The following CRMP1 variants were observed in gnomAD, a reference collection of about 807,000 sequenced individuals.
CRMP1 encodes collapsin response mediator protein 1, also known as dihydropyrimidinase-related protein 1.
Under a neutral mutation model 68.3 loss-of-function variants are expected in CRMP1, and 19 were observed. The ratio of observed to expected loss-of-function variants is 0.28; its 90% CI spans 0.19 to 0.41. CRMP1 has a LOEUF of 0.41. Ranked by LOEUF, CRMP1 falls within the 10% of genes least tolerant of loss-of-function variation. The pLI, the probability that CRMP1 is intolerant of heterozygous loss-of-function variation, is 1.00. For missense variants in CRMP1, 791 were observed against 967.4 expected (o/e 0.82, Z 2.42); for synonymous variants, 439 against 399.6 (o/e 1.10, Z -1.18).
Position 5,854,460 on chromosome 4 carries a change from G to C in CRMP1, c.820+1683C>G, listed in dbSNP as rs1260816101. Among the ~76,000 whole-genome samples, 1 of 141,820 alleles carries C rather than the reference G, an allele frequency of 7.1e-6. No homozygotes were observed. Among genetic ancestry groups the C allele is most frequent in the Non-Finnish European group, 1.5e-5 (1 of 66,526 alleles). The allele number at this position is 141,820 out of a possible 152,430, so 93.0% of individuals were successfully genotyped here. On this transcript the variant is annotated intron_variant, in intron 4 of 13. Transcript: ENST00000324989. This position sits in a 1 kb window ranked among gnomAD's most constrained non-coding sequence, Gnocchi z 4.0. Reference sequence around the variant, plus strand: ...TGGTCTCACTATGTTGCCCAGGCTGGTCTCAAACTCCAGGCCTCAAGCAAT... The same window carrying C: ...TGGTCTCACTATGTTGCCCAGGCTGCTCTCAAACTCCAGGCCTCAAGCAAT...
chr4:5,839,670 C>G lies in CRMP1; in HGVS notation c.1162G>C (p.Val388Leu). Residue 388 changes from valine (V) to leucine (L), a missense_variant, in exon 9 of 14, where the codon GTT (valine) becomes CTT (leucine). Physicochemically the swap from Val to Leu is conservative, Grantham distance 32. Around this residue, in one of 3 missense-constraint regions of CRMP1, gnomAD observed 594 missense variants for 763.6 expected, o/e 0.78. Coordinates refer to ENST00000324989, the MANE Select transcript of CRMP1 (RefSeq NM_001014809.3). ...IALARKKGPL[V>L]FGEPIAASLG... is the part of the protein sequence containing the mutation. ...CTGGCGGCAATGGGCTCTCCAAAAA[C>G]TAGGGGCCCTTAGGAGGGGAAAACA... is the stretch of plus-strand genomic sequence containing the variant. The G allele has an allele frequency of 6.2e-7, 1 of 1,608,664 alleles. No individual in the cohort carries two copies. The highest frequency in any genetic ancestry group is 8.5e-7 in the Non-Finnish European group (1 of 1,178,672).
intron 1 of CRMP1, chr4:5,887,331 T>A: frequency 2.0e-6 from 2 of 983,610 alleles, no homozygotes; most frequent in Non-Finnish European, 2.4e-6. Context: ...GGAGTCACCC[T>A]GGAGGATTCC....
At chr4:5,822,952 C>T (rs968931185) in intron 13 of CRMP1, among the ~76,000 whole-genome samples, 2 of 152,182 alleles carry the variant, frequency 1.3e-5, no homozygotes, top group Admixed American at 6.5e-5. Flanking sequence ...TCCTTGCAGT[C>T]GGCTCCTTTC....
At chr4:5,832,579 G>C (rs1265910040) in intron 11 of CRMP1, among the ~76,000 whole-genome samples, 1 of 152,162 alleles carries the variant, frequency 6.6e-6, no homozygotes, top group Non-Finnish European at 1.5e-5. Context: ...CTCAATCCAT[G>C]TTCTGAAAAA....
chr4:5,823,573 T>A (rs1719039870), intron 13 of CRMP1, among the ~76,000 whole-genome samples: 1 of 152,254 alleles, frequency 6.6e-6, no homozygotes, highest in Non-Finnish European at 1.5e-5. Context: ...CATGAATGGC[T>A]TGGTGTCAGC....
chr4:5,888,170 G>T lies in CRMP1; in HGVS notation c.381+4419C>A. 8.1e-7 allele frequency: 1 copy of T among 1,236,136 alleles called. No individual in the cohort carries two copies. The allele number at this position is 1,236,136 out of a possible 1,614,324, so 76.6% of individuals were successfully genotyped here. On this transcript the variant is annotated intron_variant, in intron 1 of 13. Transcript: ENST00000324989. This position sits in a 1 kb window ranked among gnomAD's most constrained non-coding sequence, Gnocchi z 6.4. The stretch of plus-strand genomic sequence containing the variant: ...GCCCCGTGGATCTGGACCCTGCCGG[G>T]CGCCCACTCCCAGCCCACAAAGGCC...
intron 12 of CRMP1, 53 bp downstream of exon 12, chr4:5,828,436 C>A: frequency 6.3e-7 from 1 of 1,586,102 alleles, no homozygotes; most frequent in Non-Finnish European, 8.6e-7. Flanking sequence ...CCCCAAGAGA[C>A]GCTGTCGGCT....
chr4:5,884,001 T>C (rs74778878), intron 1 of CRMP1, among the ~76,000 whole-genome samples: 5 of 152,232 alleles, frequency 3.3e-5, no homozygotes, highest in African/African-American at 4.8e-5. Context: ...GATCATGACC[T>C]TGACATCATG....
At chr4:5,887,525 T>G in intron 1 of CRMP1, 4 of 983,988 alleles carry the variant, frequency 4.1e-6, no homozygotes, top group Non-Finnish European at 4.8e-6. Context: ...AAGACGGGGA[T>G]TCCTTTGTTT....
chr4:5,852,474 C>G (rs1194288550), intron 4 of CRMP1, among the ~76,000 whole-genome samples: 1 of 152,252 alleles, frequency 6.6e-6, no homozygotes, highest in Non-Finnish European at 1.5e-5. Context: ...TGTTCCTCCT[C>G]CCTTTCTTCC....
chr4:5,839,597 G>C lies in CRMP1; in HGVS notation c.1235C>G (p.Ala412Gly), dbSNP rs1396151256. 3.1e-6 allele frequency: 5 copies of C among 1,612,772 alleles called. No homozygotes were observed. Among genetic ancestry groups the C allele is most frequent in the African/African-American group, 1.3e-5 (1 of 74,936 alleles). ...THYWSKNWAK[A>G]AAFVTSPPLS... is the part of the protein sequence containing the mutation. ...GGGAGGGGAAGTCACGAACGCCGCA[G>C]CCTTGGCCCAGTTCTTGCTCCAGTA... is the stretch of plus-strand genomic sequence containing the variant. Residue 412 changes from alanine to glycine, a missense_variant, in exon 9 of 14, where the codon GCT becomes GGT. Physicochemically the swap from Ala to Gly is moderately conservative, Grantham distance 60 (BLOSUM62 0). Transcript: ENST00000324989.
chr4:5,849,585 C>A, intron 5 of CRMP1, 113 bp from the exon 6 acceptor site: 1 of 665,260 alleles, frequency 1.5e-6, no homozygotes, highest in Non-Finnish European at 2.6e-6. Context: ...CACCTGCCAG[C>A]CTCTGCAAAC....
Position 5,870,118 on chromosome 4 carries a change from C to T in CRMP1, c.382-3362G>A, listed in dbSNP as rs559061631. On this transcript the variant is annotated intron_variant, in intron 1 of 13. Transcript: ENST00000324989. The surrounding 1 kb of genome is among the most constrained non-coding windows in gnomAD (Gnocchi z 6.0). The stretch of plus-strand genomic sequence containing the variant: ...CCCTCAGAGTGAAAGCCAAGGTCAG[C>T]GAGACCCCAGTTAATCTGGAGTCCC... Among the ~76,000 whole-genome samples the T allele has an allele frequency of 9.6e-4, 146 of 152,292 alleles. 1 individual carries two copies. Among genetic ancestry groups the T allele is most frequent in the African/African-American group, 3.3e-3 (139 of 41,572 alleles).
At chr4:5,827,733 GCACACACA>G (rs141887967) in intron 12 of CRMP1, among the ~76,000 whole-genome samples, 1 of 138,276 alleles carries the variant, frequency 7.2e-6, no homozygotes, top group Non-Finnish European at 1.6e-5. Context: ...ATGTGCGCGT[GCACACACA>G]CACACACACA....
chr4:5,856,410 C>T, intron 3 of CRMP1, 103 bp from the exon 4 acceptor site: 2 of 1,041,074 alleles, frequency 1.9e-6, no homozygotes, highest in Non-Finnish European at 2.8e-6. Flanking sequence ...ACCATCACCA[C>T]CATCATCATC....
rs1445936137 is a variant in CRMP1 at position 5,825,605 on chromosome 4, C to T, written c.1858G>A (p.Val620Ile). Residue 620 changes from valine to isoleucine, a missense_variant, in exon 13 of 14, where the codon GTA becomes ATA. Physicochemically the swap from Val to Ile is conservative, Grantham distance 29. Transcript: ENST00000324989. This position sits in a 1 kb window ranked among gnomAD's most constrained non-coding sequence, Gnocchi z 4.4. Reference sequence around the variant, plus strand: ...GTTGCATATTTGGGTGTAGCTGGTACCTCGTACACAGGACCGTCATACATG... The same window carrying T: ...GTTGCATATTTGGGTGTAGCTGGTATCTCGTACACAGGACCGTCATACATG... ...RGMYDGPVYE[V>I]PATPKYATPA... The T allele has an allele frequency of 6.2e-7, 1 of 1,602,934 alleles. No homozygotes were observed. The highest frequency in any genetic ancestry group is 1.8e-5 in the Admixed American group (1 of 56,914).
Position 5,825,489 on chromosome 4 carries a change from C to A in CRMP1, c.1969+5G>T. On this transcript the variant is annotated splice_donor_5th_base_variant and intron_variant, in intron 13 of 13. Coordinates refer to ENST00000324989, the MANE Select transcript of CRMP1 (RefSeq NM_001014809.3). This position sits in a 1 kb window ranked among gnomAD's most constrained non-coding sequence, Gnocchi z 4.4. ...TGGGGAGCCTGGGCCACCACTCTTT[C>A]CTACCTGATAAGCTGAAGTTGGACT... is the stretch of plus-strand genomic sequence containing the variant. The A allele has an allele frequency of 6.4e-7, 1 of 1,567,302 alleles. No homozygotes were observed. The highest frequency in any genetic ancestry group is 8.6e-7 in the Non-Finnish European group (1 of 1,163,892).
chr4:5,874,318 G>A (rs946974657), intron 1 of CRMP1, among the ~76,000 whole-genome samples: 7 of 152,182 alleles, frequency 4.6e-5, no homozygotes, highest in Non-Finnish European at 8.8e-5. Flanking sequence ...AAAATGTGAG[G>A]AGAAAAAGCA....
Position 5,850,103 on chromosome 4 carries a change from T to G in CRMP1, c.883-631A>C, listed in dbSNP as rs1222305890. Among the ~76,000 whole-genome samples the G allele has an allele frequency of 6.6e-6, 1 of 152,192 alleles. No individual in the cohort carries two copies. The highest frequency in any genetic ancestry group is 1.5e-5 in the Non-Finnish European group (1 of 68,034). On this transcript the variant is annotated intron_variant, in intron 5 of 13. Transcript: ENST00000324989. The surrounding 1 kb of genome is among the most constrained non-coding windows in gnomAD (Gnocchi z 4.4). ...CCTGAGGAGAATCTGCATTTGGGCATTGCCCCTGGTAAGGGCCAAAGCCAC... is the reference window on the plus strand; with the variant it reads ...CCTGAGGAGAATCTGCATTTGGGCAGTGCCCCTGGTAAGGGCCAAAGCCAC...
Sources: gnomAD v4.1 joint callset for allele counts (sites outside exome capture counted in the v4.1 genomes callset) on GRCh38, gnomAD v4.1.1 for gene constraint, gnomAD v4.1.1 regional missense constraint, Gnocchi (gnomAD v3.1) non-coding constraint, MANE v1.5 for transcripts, NCBI Gene and HGNC (gene_info 2026-07-23, HGNC 2026-07-21) for gene names.